The following SSH2 variants were observed in gnomAD, a reference collection of about 807,000 sequenced individuals.
The protein encoded by SSH2 is slingshot protein phosphatase 2.
A neutral mutation model predicts 135.2 loss-of-function variants in SSH2; 37 were observed. That is an observed-to-expected ratio of 0.27 (90% CI 0.21 to 0.36). The LOEUF (loss-of-function observed/expected upper bound fraction) is 0.36. Among genes scored for constraint, SSH2 ranks in the 10% least tolerant of loss-of-function variants. SSH2 has a pLI of 1.00. For synonymous variants in SSH2, 628 were observed against 646.2 expected, an observed-to-expected ratio of 0.97 and a Z score of 0.43; for missense variants, 1,408 against 1,765.3, an observed-to-expected ratio of 0.80 and a Z score of 3.63.
chr17:29,663,117 C>G (rs956862287), intron 11 of SSH2, among the ~76,000 whole-genome samples: 2 of 152,226 alleles, frequency 1.3e-5, no homozygotes, highest in South Asian at 4.1e-4. Flanking sequence ...AATCAATTCT[C>G]TCTTCTCAAT....
intron 1 of SSH2, among the ~76,000 whole-genome samples, chr17:29,897,627 G>A (rs2066469382): frequency 6.6e-6 from 1 of 152,136 alleles, no homozygotes; most frequent in South Asian, 2.1e-4. Flanking sequence ...GATTCATAAA[G>A]CAAGTCCTTA....
chr17:29,696,743 G>C (rs1367008642), intron 4 of SSH2, among the ~76,000 whole-genome samples: 1 of 150,574 alleles, frequency 6.6e-6, no homozygotes, highest in Admixed American at 6.6e-5. Flanking sequence ...CTGGAGTGCA[G>C]TGGTGCGATC....
intron 3 of SSH2, among the ~76,000 whole-genome samples, chr17:29,784,272 C>T (rs1047833897): frequency 6.6e-6 from 1 of 151,658 alleles, no homozygotes; most frequent in African/African-American, 2.4e-5. Context: ...GTAATCCCAG[C>T]TACTCAGGAG....
At chr17:29,722,784 T>C (rs2039865799) in intron 3 of SSH2, among the ~76,000 whole-genome samples, 1 of 152,174 alleles carries the variant, frequency 6.6e-6, no homozygotes, top group Non-Finnish European at 1.5e-5. Flanking sequence ...AGCACACAGA[T>C]GGTTTGCGTA....
chr17:29,796,905 T>C (rs912940024), intron 2 of SSH2, among the ~76,000 whole-genome samples: 3 of 151,800 alleles, frequency 2.0e-5, no homozygotes, highest in African/African-American at 4.8e-5. Context: ...CTCAAACTCC[T>C]GGGTTCAAGC....
At chr17:29,893,121 A>C (rs921647464) in intron 1 of SSH2, among the ~76,000 whole-genome samples, 1 of 152,098 alleles carries the variant, frequency 6.6e-6, no homozygotes, top group Non-Finnish European at 1.5e-5. Flanking sequence ...TGCCAAAGTC[A>C]ATGGACTTTC....
chr17:29,755,700 C>G (rs1261782815), intron 3 of SSH2, among the ~76,000 whole-genome samples: 6 of 148,400 alleles, frequency 4.0e-5, no homozygotes, highest in Non-Finnish European at 8.9e-5. Context: ...CTCGCTCTTT[C>G]GCCCAGGCTG....
intron 11 of SSH2, among the ~76,000 whole-genome samples, chr17:29,660,765 C>T (rs895872422): frequency 3.9e-5 from 6 of 151,926 alleles, no homozygotes; most frequent in Non-Finnish European, 7.4e-5. Flanking sequence ...AAGTCAAATA[C>T]TCACTTTCTG....
In SSH2 at chr17:29,631,452, T is replaced by C. The variant is rs756787175; in HGVS notation, c.3742A>G (p.Ile1248Val). Reference protein sequence around the residue: ...RLPHSSSSENIKSLSHSPGVV... With the variant: ...RLPHSSSSENVKSLSHSPGVV... The stretch of plus-strand genomic sequence containing the variant: ...CCGGGGCTGTGGCTGAGACTCTTTA[T>C]GTTTTCACTACTAGAGCTATGTGGG... The change falls in exon 16 of 16, where the codon ATA becomes GTA. Residue 1248 changes from isoleucine (I) to valine (V), a missense_variant. Transcript: ENST00000540801. 7 of 1,614,088 alleles carry C rather than the reference T, an allele frequency of 4.3e-6. No homozygotes were observed. In the East Asian group the frequency reaches 1.6e-4, roughly 36 times the overall value.
chr17:29,886,362 T>C (rs2066237244), intron 1 of SSH2, among the ~76,000 whole-genome samples: 1 of 152,188 alleles, frequency 6.6e-6, no homozygotes, highest in African/African-American at 2.4e-5. Flanking sequence ...CATAGAGTTC[T>C]GTGGAACTTT....
chr17:29,926,185 C>T (rs994138228), intron 1 of SSH2, among the ~76,000 whole-genome samples: 2 of 152,122 alleles, frequency 1.3e-5, no homozygotes, highest in African/African-American at 4.8e-5. Context: ...CTCTCACTGG[C>T]TCCACTCATG....
At chr17:29,709,504 C>T (rs2039359142) in intron 3 of SSH2, among the ~76,000 whole-genome samples, 1 of 152,130 alleles carries the variant, frequency 6.6e-6, no homozygotes, top group Non-Finnish European at 1.5e-5. Context: ...TGGCAAAACT[C>T]CGTCTCTACT....
intron 4 of SSH2, among the ~76,000 whole-genome samples, chr17:29,695,819 T>C (rs183029699): frequency 3.7e-4 from 57 of 152,294 alleles, no homozygotes; most frequent in African/African-American, 1.3e-3. Flanking sequence ...ATGAGAGACT[T>C]GTTGGTGAGA....
chr17:29,734,053 G>A (rs1844448764), intron 3 of SSH2, among the ~76,000 whole-genome samples: 1 of 151,788 alleles, frequency 6.6e-6, no homozygotes, highest in South Asian at 2.1e-4. Flanking sequence ...CAAGCAGCTG[G>A]GACTACAGGC....
chr17:29,838,631 G>C (rs1410133525), intron 2 of SSH2, among the ~76,000 whole-genome samples: 3 of 152,172 alleles, frequency 2.0e-5, no homozygotes, highest in Non-Finnish European at 4.4e-5. Flanking sequence ...TGCCTGTAGA[G>C]AGGAGTTACC....
intron 11 of SSH2, among the ~76,000 whole-genome samples, chr17:29,664,644 C>T (rs1360903559): frequency 6.6e-6 from 1 of 151,930 alleles, no homozygotes; most frequent in Non-Finnish European, 1.5e-5. Flanking sequence ...TAGGTGTGAG[C>T]CACCACACCT....
In SSH2 at chr17:29,684,693, T is replaced by C. The variant is rs1357984474; in HGVS notation, c.358-9A>G. 3.1e-6 allele frequency: 5 copies of C among 1,604,082 alleles called. No individual in the cohort carries two copies. Among genetic ancestry groups the C allele is most frequent in the Non-Finnish European group, 4.3e-6 (5 of 1,176,432 alleles). On this transcript the variant is annotated splice_polypyrimidine_tract_variant and intron_variant, in intron 5 of 15. Transcript: ENST00000540801. ...CTTTCCAGTCTTACAGCCTGGAATTTAGCAGACAACAGAGAAATTATGAAA... is the reference window on the plus strand; with the variant it reads ...CTTTCCAGTCTTACAGCCTGGAATTCAGCAGACAACAGAGAAATTATGAAA...
At chr17:29,632,996 C>G (rs2035752784) in intron 15 of SSH2, 65 bp from the exon 16 acceptor site, 1 of 1,424,310 alleles carries the variant, frequency 7.0e-7, no homozygotes, top group Non-Finnish European at 9.6e-7. Flanking sequence ...GCTGGATTTT[C>G]TGCTTATTAA....
chr17:29,739,795 T>A (rs1308049142), intron 3 of SSH2, among the ~76,000 whole-genome samples: 1 of 152,196 alleles, frequency 6.6e-6, no homozygotes, highest in Non-Finnish European at 1.5e-5. Context: ...CTTTGGTTTT[T>A]TTATTTGATA....
Sources: gnomAD v4.1 joint callset for allele counts (sites outside exome capture counted in the v4.1 genomes callset) on GRCh38, gnomAD v4.1.1 for gene constraint, MANE v1.5 for transcripts, NCBI Gene and HGNC (gene_info 2026-07-23, HGNC 2026-07-21) for gene names.